Variants in HCN1 observed in about 807,000 individuals in gnomAD.
The protein encoded by HCN1 is potassium/sodium hyperpolarization-activated cyclic nucleotide-gated channel 1.
Under a neutral mutation model 78.9 loss-of-function variants are expected in HCN1, and 13 were observed. The observed-to-expected ratio is 0.16, with a 90% confidence interval of 0.11 to 0.26. The LOEUF (loss-of-function observed/expected upper bound fraction) is 0.26. Ranked by LOEUF, HCN1 falls within the 10% of genes least tolerant of loss-of-function variation. The pLI is 1.00. For synonymous variants in HCN1, 552 were observed against 455.5 expected, an observed-to-expected ratio of 1.21 and a Z score of -2.70; for missense variants, 810 against 1,154.3, an observed-to-expected ratio of 0.70 and a Z score of 4.32.
At chr5:45,636,449 C>T (rs1745357865) in intron 2 of HCN1, among the ~76,000 whole-genome samples, 1 of 152,142 alleles carries the variant, frequency 6.6e-6, no homozygotes, top group African/African-American at 2.4e-5. Context: ...ACTAAGACAT[C>T]TATTCGGAAA....
chr5:45,373,700 T>C (rs1478837037), intron 4 of HCN1, among the ~76,000 whole-genome samples: 1 of 122,986 alleles, frequency 8.1e-6, no homozygotes, highest in East Asian at 2.4e-4. Flanking sequence ...ATACGGTATA[T>C]ACGTCATCTA....
chr5:45,270,558 G>A (rs985748494), intron 6 of HCN1, among the ~76,000 whole-genome samples: 13 of 152,142 alleles, frequency 8.5e-5, no homozygotes, highest in African/African-American at 1.7e-4. Flanking sequence ...CCTTTGTCTC[G>A]TCTCCTGGTT....
chr5:45,581,326 A>C (rs557240325), intron 2 of HCN1, among the ~76,000 whole-genome samples: 1 of 151,258 alleles, frequency 6.6e-6, no homozygotes, highest in East Asian at 1.9e-4. Context: ...TTCGGCTGAG[A>C]AGTGTCTGTT....
At chr5:45,329,757 G>C (rs1746308204) in intron 5 of HCN1, among the ~76,000 whole-genome samples, 1 of 151,312 alleles carries the variant, frequency 6.6e-6, no homozygotes, top group Non-Finnish European at 1.5e-5. Context: ...ATTTCCACCA[G>C]AATCTAAAAT....
At chr5:45,647,581 T>G (rs139593499) in intron 1 of HCN1, among the ~76,000 whole-genome samples, 81 of 152,254 alleles carry the variant, frequency 5.3e-4, no homozygotes, top group African/African-American at 1.6e-3. Flanking sequence ...TTGTAACTGA[T>G]GACCCCAAAA....
chr5:45,394,479 T>A (rs573294556), intron 4 of HCN1, among the ~76,000 whole-genome samples: 1 of 152,280 alleles, frequency 6.6e-6, no homozygotes, highest in Admixed American at 6.5e-5. Context: ...TGTAAAGCCA[T>A]GCTATAAGAT....
rs1376332680 is a variant in HCN1, at chr5:45,510,708, G to T, written c.850-48701C>A. 1.2e-4 allele frequency among the ~76,000 whole-genome samples: 18 copies of T among 152,166 alleles called. No homozygotes were observed. The East Asian group carries it at 3.5e-3, about 29-fold the overall frequency. Reference sequence around the variant, plus strand: ...CCTGATTCTACCATGTTGTCAAACTGCTCTGTGTTCTGCCATCATGTCCAC... The same window carrying T: ...CCTGATTCTACCATGTTGTCAAACTTCTCTGTGTTCTGCCATCATGTCCAC... On this transcript the variant is annotated intron_variant, in intron 2 of 7. Coordinates refer to ENST00000303230, the MANE Select transcript of HCN1 (RefSeq NM_021072.4).
At chr5:45,374,167 CATAATAT>C (rs1316821566) in intron 4 of HCN1, among the ~76,000 whole-genome samples, 6 of 85,096 alleles carry the variant, frequency 7.1e-5, no homozygotes, top group South Asian at 3.0e-4. Flanking sequence ...ACATTATATA[CATAATAT>C]ATATTATATA....
Position 45,645,234 on chromosome 5 carries a change from C to T in HCN1, c.800G>A (p.Arg267His), listed in dbSNP as rs951258297. 2 of 1,613,356 alleles carry T rather than the reference C, an allele frequency of 1.2e-6. No individual in the cohort carries two copies. Among genetic ancestry groups the T allele is most frequent in the Non-Finnish European group, 1.7e-6 (2 of 1,179,728 alleles). ...AATTAACCTTGAAAGTCGTAATAAA[C>T]GCAAGAGACTGAGAATTTTTGTAAA... ...VRFTKILSLL[R>H]LLRLSRLIRY... Residue 267 changes from arginine (R) to histidine (H), a missense_variant, in exon 2 of 8, where the codon CGT becomes CAT. This residue lies in a region of HCN1 where 104 missense variants were observed against 402.8 expected (regional missense o/e 0.26). Transcript: ENST00000303230.
Position 45,645,149 on chromosome 5 carries a change from T to C in HCN1, c.849+36A>G, listed in dbSNP as rs754939362. ...AAAACAGCCATAATTAACAATTTCA[T>C]GATATAGATTTAAAAAAGAAAAAGA... is the stretch of plus-strand genomic sequence containing the variant. On this transcript the variant is annotated intron_variant, in intron 2 of 7. Coordinates refer to ENST00000303230, the MANE Select transcript of HCN1 (RefSeq NM_021072.4). 46 of 1,466,720 alleles carry C rather than the reference T, an allele frequency of 3.1e-5. 1 individual carries two copies. Among genetic ancestry groups the C allele is most frequent in the Non-Finnish European group, 4.3e-5 (45 of 1,052,568 alleles). The allele number at this position is 1,466,720 out of a possible 1,614,324, so 90.9% of individuals were successfully genotyped here.
intron 3 of HCN1, among the ~76,000 whole-genome samples, chr5:45,443,830 T>C (rs1403448916): frequency 6.6e-6 from 1 of 152,104 alleles, no homozygotes; most frequent in African/African-American, 2.4e-5. Context: ...ATTTTTCTTA[T>C]TACTGGTAAT....
chr5:45,372,223 A>C (rs1747408700), intron 4 of HCN1, among the ~76,000 whole-genome samples: 1 of 75,744 alleles, frequency 1.3e-5, no homozygotes, highest in East Asian at 4.8e-4. Flanking sequence ...AATATAATAT[A>C]TATAATATAT....
chr5:45,527,625 CTCTG>C (rs1031887561), intron 2 of HCN1, among the ~76,000 whole-genome samples: 13 of 151,696 alleles, frequency 8.6e-5, no homozygotes, highest in Admixed American at 2.0e-4. Flanking sequence ...TTCTCTCTCT[CTCTG>C]TCTCTCTCTC....
At chr5:45,497,593 T>C (rs1156537979) in intron 2 of HCN1, among the ~76,000 whole-genome samples, 1 of 152,196 alleles carries the variant, frequency 6.6e-6, no homozygotes, top group Non-Finnish European at 1.5e-5. Flanking sequence ...AGCCTATGTG[T>C]GTCTCTGCAC....
At chr5:45,328,642 A>T (rs938584024) in intron 5 of HCN1, among the ~76,000 whole-genome samples, 4 of 151,652 alleles carry the variant, frequency 2.6e-5, no homozygotes, top group African/African-American at 9.7e-5. Flanking sequence ...GTCCCAAAGG[A>T]GATTTCATCC....
At chr5:45,282,479 A>T in intron 6 of HCN1, among the ~76,000 whole-genome samples, 1 of 152,190 alleles carries the variant, frequency 6.6e-6, no homozygotes, top group East Asian at 1.9e-4. Flanking sequence ...ATAGTACAAG[A>T]GTTTTCCTAG....
rs760804325 is a variant in HCN1 at position 45,629,721 on chromosome 5, ATTACTC to A, written c.849+15458_849+15463del. ...GTCAGTAAGTTTTCCTTATAAAAAA[ATTACTC>A]TTATTATATCATACATTTATAAGAC... is the stretch of plus-strand genomic sequence containing the variant. On this transcript the variant is annotated intron_variant, in intron 2 of 7. Transcript: ENST00000303230. Among the ~76,000 whole-genome samples the A allele has an allele frequency of 5.2e-4, 79 of 152,260 alleles. 1 individual carries two copies. Among genetic ancestry groups the A allele is most frequent in the South Asian group, 1.7e-3 (8 of 4,828 alleles).
At chr5:45,606,230 C>T (rs1040926154) in intron 2 of HCN1, among the ~76,000 whole-genome samples, 15 of 152,010 alleles carry the variant, frequency 9.9e-5, no homozygotes, top group African/African-American at 7.2e-5. Context: ...AAAGAACAAA[C>T]GATTTTTGTT....
intron 2 of HCN1, among the ~76,000 whole-genome samples, chr5:45,497,274 G>C (rs973129243): frequency 6.7e-6 from 1 of 149,844 alleles, no homozygotes; most frequent in African/African-American, 2.5e-5. Context: ...TTTCTGTCTC[G>C]TTGATCTGTC....
Sources: gnomAD v4.1 joint callset for allele counts (sites outside exome capture counted in the v4.1 genomes callset) on GRCh38, gnomAD v4.1.1 for gene constraint, gnomAD v4.1.1 regional missense constraint, MANE v1.5 for transcripts, NCBI Gene and HGNC (gene_info 2026-07-23, HGNC 2026-07-21) for gene names.